The following NWD1 variants were observed in gnomAD, a reference collection of about 807,000 sequenced individuals.
NWD1 encodes the protein NACHT and WD repeat domain containing 1.
In NWD1, 129 loss-of-function variants were observed where a neutral mutation model predicts 135.1. The ratio of observed to expected loss-of-function variants is 0.96; its 90% CI spans 0.83 to 1.11. The LOEUF is 1.11. Among genes scored for constraint, NWD1 ranks in the 50% least tolerant of loss-of-function variants. The pLI, the probability that NWD1 is intolerant of heterozygous loss-of-function variation, is 0.00. For synonymous variants in NWD1, 773 were observed against 786.0 expected, an observed-to-expected ratio of 0.98 and a Z score of 0.28; for missense variants, 1,740 against 1,851.3, an observed-to-expected ratio of 0.94 and a Z score of 1.10.
chr19:16,770,767 G>T (rs1280698533), intron 10 of NWD1, among the ~76,000 whole-genome samples: 2 of 152,124 alleles, frequency 1.3e-5, no homozygotes, highest in Non-Finnish European at 2.9e-5. Context: ...TCATATGATA[G>T]CATTGTTGAC....
Position 16,807,880 on chromosome 19 carries a change from A to C in NWD1, c.4031A>C (p.Tyr1344Ser). ...PVIDGPRYTF[Y>S]TQLPETLSSV... Reference sequence around the variant, plus strand: ...ATCGATGGGCCAAGATACACCTTTTACACTCAGCTGCCCGAGACCCTCTCC... The same window carrying C: ...ATCGATGGGCCAAGATACACCTTTTCCACTCAGCTGCCCGAGACCCTCTCC... The change falls in exon 18 of 19, where the codon TAC (tyrosine) becomes TCC (serine). Residue 1344 changes from tyrosine to serine, a missense_variant. By Grantham distance (144) the Tyr-to-Ser change is moderately radical. Coordinates refer to ENST00000524140, the MANE Select transcript of NWD1 (RefSeq NM_001007525.5). 1 of 1,614,144 alleles carries C rather than the reference A, an allele frequency of 6.2e-7. No individual in the cohort carries two copies. Among genetic ancestry groups the C allele is most frequent in the African/African-American group, 1.3e-5 (1 of 75,026 alleles).
At chr19:16,732,455 A>G (rs949691156) in intron 3 of NWD1, among the ~76,000 whole-genome samples, 2 of 151,618 alleles carry the variant, frequency 1.3e-5, no homozygotes, top group Non-Finnish European at 2.9e-5. Context: ...CAGGAGGAGT[A>G]TAAGAGGGCT....
intron 14 of NWD1, among the ~76,000 whole-genome samples, chr19:16,793,067 AAAAAG>A (rs1463522440): frequency 6.6e-6 from 1 of 151,782 alleles, no homozygotes; most frequent in Non-Finnish European, 1.5e-5. Flanking sequence ...AAATAAAAAA[AAAAAG>A]AAAAGAAAAG....
rs577224644 is a variant in NWD1 at position 16,734,608 on chromosome 19, G to A, written c.82-2026G>A. ...TCTGTTTTTCTTGCAACAGGGTGTC[G>A]CTCTGTCACCCAGGCTGGAGTGCAG... On this transcript the variant is annotated intron_variant, in intron 3 of 18. Transcript: ENST00000524140. Among the ~76,000 whole-genome samples, 54 of 146,852 alleles carry A rather than the reference G, an allele frequency of 3.7e-4. 1 individual carries two copies. Among genetic ancestry groups the A allele is most frequent in the African/African-American group, 1.2e-3 (49 of 39,522 alleles).
chr19:16,767,211 G>T (rs920529832), intron 10 of NWD1, among the ~76,000 whole-genome samples: 2 of 117,494 alleles, frequency 1.7e-5, no homozygotes, highest in African/African-American at 6.6e-5. Context: ...ACAGAGTCTC[G>T]CTCTGTCGCC....
intron 7 of NWD1, among the ~76,000 whole-genome samples, chr19:16,760,511 C>T (rs1297969139): frequency 2.6e-5 from 4 of 152,042 alleles, no homozygotes; most frequent in African/African-American, 4.8e-5. Flanking sequence ...ACACCCACAT[C>T]GGCCTCCCAA....
chr19:16,752,215 G>T (rs75900614), intron 6 of NWD1, among the ~76,000 whole-genome samples: 7,333 of 150,386 alleles, frequency 0.049, 224 homozygotes, highest in African/African-American at 0.092. Flanking sequence ...CAGTTTTAGG[G>T]TTGTTTTTTT....
At chr19:16,804,354 G>A (rs1970690219) in intron 17 of NWD1, among the ~76,000 whole-genome samples, 2 of 152,236 alleles carry the variant, frequency 1.3e-5, no homozygotes, top group Non-Finnish European at 2.9e-5. Context: ...GCTGAGGAGA[G>A]AGGATCACTT....
Position 16,791,615 on chromosome 19 carries a change from T to A in NWD1, c.3206T>A (p.Ile1069Asn). 6.2e-7 allele frequency: 1 copy of A among 1,614,042 alleles called. No individual in the cohort carries two copies. Among genetic ancestry groups the A allele is most frequent in the Non-Finnish European group, 8.5e-7 (1 of 1,179,950 alleles). Reference sequence around the variant, plus strand: ...GTTACCGGGTTTAGCAATGGCTCCATCTCTTTGGTAAGCACCTTTACTGAC... The same window carrying A: ...GTTACCGGGTTTAGCAATGGCTCCAACTCTTTGGTAAGCACCTTTACTGAC... ...KLVTGFSNGS[I>N]SLVSSKGDRL... Residue 1069 changes from isoleucine (I) to asparagine (N), a missense_variant, in exon 14 of 19, where the codon ATC (isoleucine) becomes AAC (asparagine). Physicochemically the swap from Ile to Asn is moderately radical, Grantham distance 149. Transcript: ENST00000524140.
chr19:16,784,712 C>T lies in NWD1; in HGVS notation c.2732-4270C>T, dbSNP rs142439584. On this transcript the variant is annotated intron_variant, in intron 12 of 18. Transcript: ENST00000524140. Reference sequence around the variant, plus strand: ...TTGGGAGGCCAAGGTGGGCAGATCACGAGGTCAAGAGATCGAGACCATCCT... The same window carrying T: ...TTGGGAGGCCAAGGTGGGCAGATCATGAGGTCAAGAGATCGAGACCATCCT... Among the ~76,000 whole-genome samples, 361 of 151,656 alleles carry T rather than the reference C, an allele frequency of 2.4e-3. 1 individual carries two copies. Among genetic ancestry groups the T allele is most frequent in the Non-Finnish European group, 4.4e-3 (301 of 67,862 alleles).
In NWD1 at chr19:16,735,792, T is replaced by TGGAAGGAAGGAA. The variant is rs1216718356; in HGVS notation, c.82-817_82-806dup. Among the ~76,000 whole-genome samples, 97 of 96,520 alleles carry TGGAAGGAAGGAA rather than the reference T, an allele frequency of 1.0e-3. 1 individual carries two copies. The highest frequency in any genetic ancestry group is 3.0e-3 in the African/African-American group (83 of 27,402). 63.3% of individuals were successfully genotyped at this position (96,520 alleles called of 152,430 possible). ...TTACAATGAGCCAAGATCATGCCAC[T>TGGAAGGAAGGAA]GGAAGGAAGGAAGGAAGGAAGGAAG... On this transcript the variant is annotated intron_variant, in intron 3 of 18. Transcript: ENST00000524140.
At chr19:16,802,640 G>A (rs1599556944) in intron 17 of NWD1, among the ~76,000 whole-genome samples, 1 of 152,036 alleles carries the variant, frequency 6.6e-6, no homozygotes, top group South Asian at 2.1e-4. Flanking sequence ...GCAGAACAAT[G>A]AGCCACATAA....
intron 11 of NWD1, among the ~76,000 whole-genome samples, chr19:16,778,491 C>CTTT (rs1969735692): frequency 2.0e-5 from 1 of 50,322 alleles, no homozygotes; most frequent in African/African-American, 1.9e-4. Flanking sequence ...TCTTCTTCTT[C>CTTT]TTCTTTTTTT....
intron 5 of NWD1, among the ~76,000 whole-genome samples, chr19:16,746,717 A>G (rs1463558286): frequency 3.9e-5 from 6 of 152,092 alleles, no homozygotes; most frequent in East Asian, 3.8e-4. Flanking sequence ...CGATGAACAC[A>G]TATTTTGCAT....
At chr19:16,736,237 CT>C (rs1555717150) in intron 3 of NWD1, among the ~76,000 whole-genome samples, 14 of 150,250 alleles carry the variant, frequency 9.3e-5, no homozygotes, top group African/African-American at 1.5e-4. Flanking sequence ...ACCTTCCTCT[CT>C]CTCTTTCTTT....
chr19:16,750,356 C>T lies in NWD1; in HGVS notation c.1714C>T (p.Gln572Ter). ...GCACCAACTCTGCACCCGCCTGGAG[C>T]AGACACACGGGCAGCTCCTCGTGGC... Reference protein sequence around the residue: ...ATHQLCTRLEQTHGQLLVAHV... With the variant: ...ATHQLCTRLE The change falls in exon 6 of 19, where the codon CAG becomes TAG. Residue 572 changes from glutamine (Q) to a stop codon, truncating the protein, a stop_gained. Transcript: ENST00000524140. LOFTEE classifies it high-confidence loss of function. The T allele has an allele frequency of 6.2e-7, 1 of 1,610,118 alleles. No individual in the cohort carries two copies. Among genetic ancestry groups the T allele is most frequent in the Non-Finnish European group, 8.5e-7 (1 of 1,178,608 alleles).
chr19:16,802,567 A>C (rs1202002789), intron 17 of NWD1, among the ~76,000 whole-genome samples: 1 of 151,966 alleles, frequency 6.6e-6, no homozygotes, highest in Admixed American at 6.6e-5. Flanking sequence ...TTTTGTATTA[A>C]GAAGAAGCAG....
chr19:16,755,349 C>T (rs1968749528), intron 6 of NWD1, among the ~76,000 whole-genome samples: 1 of 151,744 alleles, frequency 6.6e-6, no homozygotes, highest in Non-Finnish European at 1.5e-5. Flanking sequence ...CTCTGAGTAG[C>T]TGAGACTACA....
At chr19:16,731,065 G>A (rs985197188) in intron 2 of NWD1, 127 bp from the exon 3 acceptor site, 24 of 566,328 alleles carry the variant, frequency 4.2e-5, no homozygotes, top group Admixed American at 6.1e-5. Context: ...GCAACATAGC[G>A]AGATCCCATT....
Sources: allele counts gnomAD v4.1 joint callset (sites outside exome capture counted in the v4.1 genomes callset), GRCh38; gene constraint gnomAD v4.1.1; transcripts MANE v1.5; gene names NCBI Gene and HGNC (gene_info 2026-07-23, HGNC 2026-07-21).